EP400: variants seen among roughly 807,000 people sequenced by gnomAD.
The protein encoded by EP400 is E1A binding protein p400, also known as E1A-binding protein p400.
In EP400, 105 loss-of-function variants were observed where a neutral mutation model predicts 354.1. That is an observed-to-expected ratio of 0.30 (90% CI 0.25 to 0.35). The LOEUF (loss-of-function observed/expected upper bound fraction) is 0.35, where lower values mean the gene tolerates loss of function less well. EP400 is among the 10% of genes least tolerant of loss of function. The pLI, the probability that EP400 is intolerant of heterozygous loss-of-function variation, is 1.00. For missense variants in EP400, 3,280 were observed against 4,121.0 expected (o/e 0.80, Z 5.59); for synonymous variants, 1,646 against 1,716.9 (o/e 0.96, Z 1.02).
intron 2 of EP400, among the ~76,000 whole-genome samples, chr12:131,963,051 G>T (rs925868711): frequency 1.3e-5 from 2 of 152,046 alleles, no homozygotes; most frequent in Non-Finnish European, 2.9e-5. Flanking sequence ...CACCTCTATT[G>T]TCCTGAAATA....
chr12:132,074,224 C>T (rs867415877), intron 51 of EP400, among the ~76,000 whole-genome samples: 7 of 152,162 alleles, frequency 4.6e-5, no homozygotes, highest in Non-Finnish European at 8.8e-5. Flanking sequence ...CGCGCCCGGT[C>T]GGCATTGTTT....
At chr12:132,001,917 A>G (rs534344807) in intron 12 of EP400, among the ~76,000 whole-genome samples, 51 of 152,364 alleles carry the variant, frequency 3.3e-4, no homozygotes, top group African/African-American at 1.1e-3. Flanking sequence ...AATCATGTCT[A>G]TGATCTAGAT....
At chr12:131,965,133 C>T (rs536095004) in intron 2 of EP400, among the ~76,000 whole-genome samples, 13 of 152,318 alleles carry the variant, frequency 8.5e-5, no homozygotes, top group Admixed American at 8.5e-4. Flanking sequence ...ATGATATGTC[C>T]GTTTCAATGT....
chr12:131,970,851 G>GTT (rs1892266138), intron 2 of EP400, among the ~76,000 whole-genome samples: 1 of 152,082 alleles, frequency 6.6e-6, no homozygotes, highest in Non-Finnish European at 1.5e-5. Context: ...GTTTTGTTTT[G>GTT]TTTGGTGAGA....
At position 132,029,584 on chromosome 12, in the gene EP400, C is replaced by T. The variant is rs1593358335; in HGVS notation, c.5382-117C>T. ...CACATCCCCATGTGACTGGGTTGAG[C>T]CCTGCTGTTTCCTGGGACTTGGACT... On this transcript the variant is annotated intron_variant, in intron 27 of 52. Coordinates refer to ENST00000389561, the MANE Select transcript of EP400 (RefSeq NM_015409.5). The surrounding 1 kb of genome is among the most constrained non-coding windows in gnomAD (Gnocchi z 4.7). 2 of 1,165,382 alleles carry T rather than the reference C, an allele frequency of 1.7e-6. No individual in the cohort carries two copies. Among genetic ancestry groups the T allele is most frequent in the Non-Finnish European group, 2.5e-6 (2 of 811,476 alleles). 72.2% of individuals were successfully genotyped at this position (1,165,382 alleles called of 1,614,324 possible). A position where few individuals can be genotyped will look rare whatever the true frequency, so the allele number is the denominator to read the frequency against.
rs150710497 is a variant in EP400 at position 132,003,960 on chromosome 12, C to A, written c.2828-1117C>A. ...GCTCAACAGTCTTTGACATAAAATACAGATGCAAACAAGCTCACATATCAC... is the reference window on the plus strand; with the variant it reads ...GCTCAACAGTCTTTGACATAAAATAAAGATGCAAACAAGCTCACATATCAC... On this transcript the variant is annotated intron_variant, in intron 12 of 52. Coordinates refer to ENST00000389561, the MANE Select transcript of EP400 (RefSeq NM_015409.5). Among the ~76,000 whole-genome samples the A allele has an allele frequency of 4.2e-4, 64 of 152,320 alleles. 1 individual carries two copies. Among genetic ancestry groups the A allele is most frequent in the African/African-American group, 1.4e-3 (59 of 41,558 alleles).
At chr12:132,020,246 C>T (rs575222302) in intron 22 of EP400, 28 bp downstream of exon 22, 59 of 1,550,030 alleles carry the variant, frequency 3.8e-5, no homozygotes, top group Admixed American at 5.9e-5. Flanking sequence ...GTCTGCTCTC[C>T]GCCTTATGGA....
chr12:131,970,416 A>G (rs980651491), intron 2 of EP400, among the ~76,000 whole-genome samples: 4 of 152,226 alleles, frequency 2.6e-5, no homozygotes, highest in Non-Finnish European at 4.4e-5. Flanking sequence ...CATCTGGAAA[A>G]GGTGAGCAGA....
chr12:131,988,007 T>C (rs927592510), intron 7 of EP400, 117 bp downstream of exon 7: 12 of 869,814 alleles, frequency 1.4e-5, no homozygotes, highest in Middle Eastern at 7.7e-4. Flanking sequence ...TTTTTTTTTT[T>C]TCCCCCAGAC....
intron 12 of EP400, among the ~76,000 whole-genome samples, chr12:132,002,611 C>T (rs549595560): frequency 6.6e-6 from 1 of 152,370 alleles, no homozygotes; most frequent in South Asian, 2.1e-4. Context: ...TGGTTGCATG[C>T]TGAGGGCAGG....
intron 2 of EP400, among the ~76,000 whole-genome samples, chr12:131,972,238 C>T (rs966459517): frequency 2.4e-4 from 37 of 151,350 alleles, no homozygotes; most frequent in South Asian, 8.3e-4. Flanking sequence ...CCGCAAGCTC[C>T]GCCTCCTGGG....
Position 132,037,946 on chromosome 12 carries a change from T to C in EP400, c.6064-7T>C. 6.2e-7 allele frequency: 1 copy of C among 1,614,182 alleles called. No individual in the cohort carries two copies. Among genetic ancestry groups the C allele is most frequent in the Non-Finnish European group, 8.5e-7 (1 of 1,180,032 alleles). On this transcript the variant is annotated splice_polypyrimidine_tract_variant and splice_region_variant and intron_variant, in intron 31 of 52. Transcript: ENST00000389561. ...TACTGGGGAGTAACACACATCTCTG[T>C]GTTCAGCGAACCATCCAGGAGCTGT... is the stretch of plus-strand genomic sequence containing the variant.
chr12:131,991,537 G>T, intron 10 of EP400, 81 bp downstream of exon 10: 1 of 1,267,680 alleles, frequency 7.9e-7, no homozygotes, highest in Non-Finnish European at 1.1e-6. Flanking sequence ...TTCTTATCCA[G>T]AGGAATTTGT....
chr12:132,016,290 C>T lies in EP400; in HGVS notation c.3924-1245C>T, dbSNP rs1893929976. On this transcript the variant is annotated intron_variant, in intron 19 of 52. Transcript: ENST00000389561. ...CAGCCCCCATGCAATGTGCTCCTCACGCATCAAGGCCTAGCTGTGTGGGGA... is the reference window on the plus strand; with the variant it reads ...CAGCCCCCATGCAATGTGCTCCTCATGCATCAAGGCCTAGCTGTGTGGGGA... Among the ~76,000 whole-genome samples the T allele has an allele frequency of 3.3e-5, 5 of 152,208 alleles. No individual in the cohort carries two copies. The South Asian group carries it at 6.2e-4, about 19-fold the overall frequency.
rs749194059 is a variant in EP400, at chr12:132,062,482, C to G, written c.8115C>G (p.Leu2705=). The G allele has an allele frequency of 9.3e-6, 15 of 1,613,052 alleles. No individual in the cohort carries two copies. The South Asian group carries it at 1.6e-4, about 18-fold the overall frequency. The change falls in exon 47 of 53, where the codon CTC becomes CTG. Residue 2705 remains leucine, a synonymous_variant. Coordinates refer to ENST00000389561, the MANE Select transcript of EP400 (RefSeq NM_015409.5). The part of the protein sequence containing the change: ...PQVSQATGVQ[L]PGKTITPAHF... ...TCTTCATAGCCACAGGAGTTCAGCTCCCTGGAAAAACCATCACACCTGCAC... is the reference window on the plus strand; with the variant it reads ...TCTTCATAGCCACAGGAGTTCAGCTGCCTGGAAAAACCATCACACCTGCAC...
Position 131,987,863 on chromosome 12 carries a change from G to T in EP400, c.2382G>T (p.Arg794Ser). 6.2e-7 allele frequency: 1 copy of T among 1,611,534 alleles called. No individual in the cohort carries two copies. Among genetic ancestry groups the T allele is most frequent in the Non-Finnish European group, 8.5e-7 (1 of 1,178,676 alleles). ...TGGCCACAGACTTTGCCCAGGAGAGGAGGTGGAAGGTGGCTGCTGCGAAGA... is the reference window on the plus strand; with the variant it reads ...TGGCCACAGACTTTGCCCAGGAGAGTAGGTGGAAGGTGGCTGCTGCGAAGA... ...QWMATDFAQE[R>S]RWKVAAAKKL... Residue 794 changes from arginine to serine, a missense_variant, in exon 7 of 53, where the codon AGG becomes AGT. Arg to Ser is a moderately radical substitution (Grantham distance 110). Around this residue, in one of 20 missense-constraint regions of EP400, gnomAD observed 800 missense variants for 840.0 expected, o/e 0.95. Coordinates refer to ENST00000389561, the MANE Select transcript of EP400 (RefSeq NM_015409.5).
At chr12:132,055,476 G>T (rs536770181) in intron 45 of EP400, among the ~76,000 whole-genome samples, 1 of 134,792 alleles carries the variant, frequency 7.4e-6, no homozygotes, top group East Asian at 2.4e-4. Context: ...GTGTGTGTGA[G>T]GTGTAGGGGT....
intron 47 of EP400, among the ~76,000 whole-genome samples, chr12:132,064,462 GT>G (rs2136610392): frequency 6.6e-6 from 1 of 152,348 alleles, no homozygotes; most frequent in Non-Finnish European, 1.5e-5. Context: ...CGTGTTTGTA[GT>G]TTTCACCGAC....
chr12:132,069,419 C>T, intron 50 of EP400, 76 bp from the exon 51 acceptor site: 2 of 1,566,712 alleles, frequency 1.3e-6, no homozygotes, highest in South Asian at 1.2e-5. Flanking sequence ...GCCATAGGGC[C>T]CAGAGCGGGC....
Sources: gnomAD v4.1 joint callset for allele counts (sites outside exome capture counted in the v4.1 genomes callset) on GRCh38, gnomAD v4.1.1 for gene constraint, gnomAD v4.1.1 regional missense constraint, Gnocchi (gnomAD v3.1) non-coding constraint, MANE v1.5 for transcripts, NCBI Gene and HGNC (gene_info 2026-07-23, HGNC 2026-07-21) for gene names.